CERS1: variants seen among roughly 807,000 people sequenced by gnomAD.
The protein encoded by CERS1 is ceramide synthase 1.
Under a neutral mutation model 35.7 loss-of-function variants are expected in CERS1, and 16 were observed. The ratio of observed to expected loss-of-function variants is 0.45; its 90% CI spans 0.30 to 0.68. The LOEUF (loss-of-function observed/expected upper bound fraction) is 0.68. Among genes scored for constraint, CERS1 ranks in the 30% least tolerant of loss-of-function variants. The pLI, the probability that CERS1 is intolerant of heterozygous loss-of-function variation, is 0.08. For missense variants in CERS1, 454 were observed against 453.9 expected, an observed-to-expected ratio of 1.00 and a Z score of 0.00; for synonymous variants, 243 against 201.6, an observed-to-expected ratio of 1.21 and a Z score of -1.74.
chr19:18,876,026 T>C (rs112643984), intron 6 of CERS1, among the ~76,000 whole-genome samples: 47 of 152,316 alleles, frequency 3.1e-4, no homozygotes, highest in African/African-American at 1.0e-3. Flanking sequence ...GTTATAGAGT[T>C]CCTGGGAAAG....
Position 18,869,087 on chromosome 19 carries a change from G to T in CERS1, c.*898C>A. The stretch of plus-strand genomic sequence containing the variant: ...CGCCAGCGCCAGGCGGAGGCTGCGC[G>T]GCCATGAGGCGTTGCGAGCCCAAGC... On this transcript the variant is annotated 3_prime_UTR_variant, in exon 8 of 8. Coordinates refer to ENST00000623882, the MANE Select transcript of CERS1 (RefSeq NM_021267.5). The T allele has an allele frequency of 9.4e-7, 1 of 1,064,558 alleles. No individual in the cohort carries two copies. The allele number at this position is 1,064,558 out of a possible 1,614,324, so 65.9% of individuals were successfully genotyped here.
At chr19:18,871,128 C>A (rs1214040016) in intron 6 of CERS1, among the ~76,000 whole-genome samples, 2 of 151,514 alleles carry the variant, frequency 1.3e-5, no homozygotes, top group Non-Finnish European at 2.9e-5. Context: ...GTGGTCCAGG[C>A]TAGAGCTGTG....
At position 18,868,848 on chromosome 19, in the gene CERS1, C is replaced by T. The variant is rs867919965; in HGVS notation, c.*1137G>A. Reference sequence around the variant, plus strand: ...CCCTGGCAGTAGTTGGCCAGGAAGCCGCGCGGCGCGATGACCCAGCGGTGC... The same window carrying T: ...CCCTGGCAGTAGTTGGCCAGGAAGCTGCGCGGCGCGATGACCCAGCGGTGC... On this transcript the variant is annotated 3_prime_UTR_variant, in exon 8 of 8. Transcript: ENST00000623882. 2.8e-6 allele frequency: 4 copies of T among 1,447,742 alleles called. No homozygotes were observed. The highest frequency in any genetic ancestry group is 2.5e-5 in the South Asian group (2 of 81,166). The allele number at this position is 1,447,742 out of a possible 1,614,324, so 89.7% of individuals were successfully genotyped here.
chr19:18,887,779 A>G (rs1483370408), intron 2 of CERS1, among the ~76,000 whole-genome samples: 1 of 151,666 alleles, frequency 6.6e-6, no homozygotes, highest in Non-Finnish European at 1.5e-5. Context: ...TAAGATTTAT[A>G]TGGCAAAAAC....
At position 18,870,238 on chromosome 19, in the gene CERS1, G is replaced by A; in HGVS notation, c.*339C>T. ...GGCACGGGGGCGCGGGTCAGGGGCA[G>A]CGAGGGCAGCAGCAGGGCCAGGAGG... On this transcript the variant is annotated 3_prime_UTR_variant, in exon 7 of 8. Coordinates refer to ENST00000623882, the MANE Select transcript of CERS1 (RefSeq NM_021267.5). This position sits in a 1 kb window ranked among gnomAD's most constrained non-coding sequence, Gnocchi z 5.1. 2 of 1,551,008 alleles carry A rather than the reference G, an allele frequency of 1.3e-6. No individual in the cohort carries two copies. The highest frequency in any genetic ancestry group is 1.7e-6 in the Non-Finnish European group (2 of 1,151,772).
chr19:18,886,995 C>T (rs2056377743), intron 2 of CERS1, among the ~76,000 whole-genome samples: 1 of 152,208 alleles, frequency 6.6e-6, no homozygotes, highest in Non-Finnish European at 1.5e-5. Flanking sequence ...GTCACCATGA[C>T]CCAGCAAGTC....
chr19:18,877,756 CAAAAAAAA>C (rs386388683), intron 6 of CERS1, among the ~76,000 whole-genome samples: 1 of 103,974 alleles, frequency 9.6e-6, no homozygotes, highest in South Asian at 3.5e-4. Context: ...GACCCTGTCT[CAAAAAAAA>C]AAAAAAAAAA....
chr19:18,872,356 G>GC (rs1555703074), intron 6 of CERS1, among the ~76,000 whole-genome samples: 1 of 150,760 alleles, frequency 6.6e-6, no homozygotes, highest in African/African-American at 2.4e-5. Flanking sequence ...TTCTTGTTTT[G>GC]TTTTTTTTTG....
In CERS1 at chr19:18,869,281, G is replaced by A. The variant is rs2055915422; in HGVS notation, c.*704C>T. ...CCGCCGCGAAACGCAGCTCCAGGCG[G>A]GCCCGGCTCGGGCGCTCAGCGGGTT... On this transcript the variant is annotated 3_prime_UTR_variant, in exon 8 of 8. Transcript: ENST00000623882. 6.7e-7 allele frequency: 1 copy of A among 1,502,254 alleles called. No homozygotes were observed. The highest frequency in any genetic ancestry group is 8.8e-7 in the Non-Finnish European group (1 of 1,133,556). 93.1% of individuals were successfully genotyped at this position (1,502,254 alleles called of 1,614,324 possible). A position where few individuals can be genotyped will look rare whatever the true frequency, so the allele number is the denominator to read the frequency against.
At chr19:18,879,452 C>T in intron 4 of CERS1, 64 bp from the exon 5 acceptor site, 1 of 1,526,680 alleles carries the variant, frequency 6.6e-7, no homozygotes, top group South Asian at 1.2e-5. Context: ...AGTCCCTGTC[C>T]TATCCCGTCC....
Position 18,893,595 on chromosome 19 carries a change from C to A in CERS1, c.250-20G>T. ...CAGGGGCTATGGGGGAGAAGACAGG[C>A]GGGCAGCCATTGGTGCTGGGGGCCA... is the stretch of plus-strand genomic sequence containing the variant. On this transcript the variant is annotated intron_variant, in intron 1 of 7. Transcript: ENST00000623882. The A allele has an allele frequency of 1.3e-6, 2 of 1,595,978 alleles. No individual in the cohort carries two copies. Among genetic ancestry groups the A allele is most frequent in the Non-Finnish European group, 1.7e-6 (2 of 1,173,114 alleles).
rs2146084497 is a variant in CERS1 at position 18,895,940 on chromosome 19, C to G, written c.133G>C (p.Ala45Pro). The change falls in exon 1 of 8, where the codon GCG becomes CCG. Residue 45 changes from alanine (A) to proline (P), a missense_variant. Ala to Pro is a conservative substitution (Grantham distance 27, BLOSUM62 -1). Transcript: ENST00000623882. This position sits in a 1 kb window ranked among gnomAD's most constrained non-coding sequence, Gnocchi z 6.4. ...GCGTGCTCAGCCAGGCCGCGACGCG[C>G]CAGCCCCCAGCCGCAGTCCGTGCAG... is the stretch of plus-strand genomic sequence containing the variant. Reference protein sequence around the residue: ...RGCTDCGWGLARRGLAEHAHL... With the variant: ...RGCTDCGWGLPRRGLAEHAHL... The G allele has an allele frequency of 6.8e-6, 8 of 1,174,188 alleles. No homozygotes were observed. The highest frequency in any genetic ancestry group is 8.4e-6 in the Non-Finnish European group (8 of 949,216). 72.7% of individuals were successfully genotyped at this position (1,174,188 alleles called of 1,614,324 possible).
At chr19:18,877,055 G>A (rs113595040) in intron 6 of CERS1, among the ~76,000 whole-genome samples, 1,881 of 152,230 alleles carry the variant, frequency 0.012, 39 homozygotes, top group African/African-American at 0.042. Flanking sequence ...GACTGCCTTC[G>A]TCCCATCCTG....
Position 18,895,800 on chromosome 19 carries a change from G to C in CERS1, c.249+24C>G. The C allele has an allele frequency of 8.3e-7, 1 of 1,202,648 alleles. No homozygotes were observed. 74.5% of individuals were successfully genotyped at this position (1,202,648 alleles called of 1,614,324 possible). ...GCTTCCCCCAGTCCGGGGTCCCCTC[G>C]TCCCGGCCCCCGGCCACACTGACCC... On this transcript the variant is annotated intron_variant, in intron 1 of 7. Transcript: ENST00000623882. This position sits in a 1 kb window ranked among gnomAD's most constrained non-coding sequence, Gnocchi z 6.4.
At position 18,878,476 on chromosome 19, in the gene CERS1, A is replaced by C; in HGVS notation, c.1010+454T>G. On this transcript the variant is annotated intron_variant, in intron 6 of 7. Transcript: ENST00000623882. This position sits in a 1 kb window ranked among gnomAD's most constrained non-coding sequence, Gnocchi z 4.6. ...TCCCCTGTCAAACTCAGAGGCCAGG[A>C]TGTCTCGGCCCAGATGGAGCCTGGG... is the stretch of plus-strand genomic sequence containing the variant. The C allele has an allele frequency of 1.0e-6, 1 of 993,250 alleles. No homozygotes were observed. The highest frequency in any genetic ancestry group is 1.2e-6 in the Non-Finnish European group (1 of 834,332). 61.5% of individuals were successfully genotyped at this position (993,250 alleles called of 1,614,324 possible).
intron 6 of CERS1, among the ~76,000 whole-genome samples, chr19:18,871,574 T>G (rs949590078): frequency 2.6e-5 from 4 of 152,106 alleles, no homozygotes; most frequent in Non-Finnish European, 5.9e-5. Context: ...GTTGTAGAGG[T>G]GAGGTTGCTA....
At chr19:18,883,329 C>A (rs1374946324) in intron 3 of CERS1, 4 of 152,094 alleles carry the variant, frequency 2.6e-5, no homozygotes, top group African/African-American at 9.7e-5. Flanking sequence ...ATAATGCATT[C>A]TAATTAATTC....
intron 6 of CERS1, among the ~76,000 whole-genome samples, chr19:18,872,709 T>TTTAGTATA (rs2055995998): frequency 6.6e-6 from 1 of 151,890 alleles, no homozygotes. Flanking sequence ...AGAGATGCGG[T>TTTAGTATA]TTTACCATGT....
rs1446022397 is a variant in CERS1 at position 18,870,488 on chromosome 19, TTGGAGGGGG to T, written c.*80_*88del. On this transcript the variant is annotated 3_prime_UTR_variant, in exon 7 of 8. Transcript: ENST00000623882. This position sits in a 1 kb window ranked among gnomAD's most constrained non-coding sequence, Gnocchi z 5.1. ...TGGCGGCGGCCCTAGAGGAGCAGAG[TTGGAGGGGG>T]TGGAGGGGCGGCCAAGGACGGGGAG... 5.0e-5 allele frequency: 15 copies of T among 299,210 alleles called. No individual in the cohort carries two copies. Among genetic ancestry groups the T allele is most frequent in the Admixed American group, 6.5e-5 (1 of 15,296 alleles). 18.5% of individuals were successfully genotyped at this position (299,210 alleles called of 1,614,324 possible).
Sources: allele counts gnomAD v4.1 joint callset (sites outside exome capture counted in the v4.1 genomes callset), GRCh38; gene constraint gnomAD v4.1.1; non-coding constraint Gnocchi (gnomAD v3.1); transcripts MANE v1.5; gene names NCBI Gene and HGNC (gene_info 2026-07-23, HGNC 2026-07-21).